UCMA: variants seen among roughly 807,000 people sequenced by gnomAD.
The protein encoded by UCMA is upper zone of growth plate and cartilage matrix-associated protein.
UCMA carries 21 observed loss-of-function variants against 21.8 expected under a neutral mutation model. The observed-to-expected ratio is 0.97, with a 90% CI of 0.68 to 1.39. The LOEUF is 1.39. Ranked by LOEUF, UCMA falls within the 40% of genes most tolerant of loss-of-function variation. The pLI is 0.00. For synonymous variants in UCMA, 76 were observed against 67.9 expected (o/e 1.12, Z -0.58); for missense variants, 193 against 178.9 (o/e 1.08, Z -0.45).
chr10:13,221,790 A>T lies in UCMA; in HGVS notation c.*313T>A. The stretch of plus-strand genomic sequence containing the variant: ...GGTTGATTCAGCGTTTTTATTTGTA[A>T]GCCATAAGCAAACATGTGATTCTTG... On this transcript the variant is annotated 3_prime_UTR_variant, in exon 5 of 5. Transcript: ENST00000378681. 3.2e-6 allele frequency: 1 copy of T among 308,180 alleles called. No homozygotes were observed. The highest frequency in any genetic ancestry group is 6.0e-6 in the Non-Finnish European group (1 of 166,080). 19.1% of individuals were successfully genotyped at this position (308,180 alleles called of 1,614,324 possible). A position where few individuals can be genotyped will look rare whatever the true frequency, so the allele number is the denominator to read the frequency against.
intron 4 of UCMA, among the ~76,000 whole-genome samples, chr10:13,229,388 C>T (rs1834867747): frequency 6.6e-6 from 1 of 151,932 alleles, no homozygotes; most frequent in Non-Finnish European, 1.5e-5. Flanking sequence ...CATCTGTAAT[C>T]CCAGCTACTC....
At position 13,222,006 on chromosome 10, in the gene UCMA, C is replaced by A; in HGVS notation, c.*97G>T. 1.5e-6 allele frequency: 2 copies of A among 1,299,338 alleles called. No homozygotes were observed. The highest frequency in any genetic ancestry group is 2.2e-6 in the Non-Finnish European group (2 of 908,776). The allele number at this position is 1,299,338 out of a possible 1,614,324, so 80.5% of individuals were successfully genotyped here. ...GGCCACTGCAGACCCCAAGCTGAGACCCTCTGAAGGGCCGGTTTGCATGGG... is the reference window on the plus strand; with the variant it reads ...GGCCACTGCAGACCCCAAGCTGAGAACCTCTGAAGGGCCGGTTTGCATGGG... On this transcript the variant is annotated 3_prime_UTR_variant, in exon 5 of 5. Transcript: ENST00000378681.
At chr10:13,226,493 T>C (rs1054045726) in intron 4 of UCMA, among the ~76,000 whole-genome samples, 2 of 152,012 alleles carry the variant, frequency 1.3e-5, no homozygotes, top group South Asian at 2.1e-4. Context: ...AATTGAAAAA[T>C]TTTTTTTCTT....
At chr10:13,233,507 A>G (rs764246837) in intron 3 of UCMA, 31 bp downstream of exon 3, 1 of 1,584,942 alleles carries the variant, frequency 6.3e-7, no homozygotes, top group South Asian at 1.1e-5. Context: ...GTGGTGATGG[A>G]CGCGGGATGG....
At chr10:13,224,768 CGGCCCAGCT>C in intron 4 of UCMA, among the ~76,000 whole-genome samples, 1 of 152,318 alleles carries the variant, frequency 6.6e-6, no homozygotes, top group South Asian at 2.1e-4. Flanking sequence ...AGTCTCACCT[CGGCCCAGCT>C]GGGTGCAGGG....
rs1588492811 is a variant in UCMA, at chr10:13,234,373, A to G, written c.-115T>C. On this transcript the variant is annotated 5_prime_UTR_variant, in exon 1 of 5. Coordinates refer to ENST00000378681, the MANE Select transcript of UCMA (RefSeq NM_145314.3). ...CAGGCGAGAGGAAGGAAGGCGGGGG[A>G]GGGAAGAGAGAGGCAGGAGGCTGGG... is the stretch of plus-strand genomic sequence containing the variant. 1 of 1,041,888 alleles carries G rather than the reference A, an allele frequency of 9.6e-7. No individual in the cohort carries two copies. The allele number at this position is 1,041,888 out of a possible 1,614,324, so 64.5% of individuals were successfully genotyped here. A position where few individuals can be genotyped will look rare whatever the true frequency, so the allele number is the denominator to read the frequency against.
Position 13,226,292 on chromosome 10 carries a change from A to G in UCMA, c.319+3319T>C, listed in dbSNP as rs145841944. 6.2e-3 allele frequency among the ~76,000 whole-genome samples: 933 copies of G among 151,000 alleles called. 13 individuals are homozygous for G. Among genetic ancestry groups the G allele is most frequent in the African/African-American group, 0.021 (874 of 40,994 alleles). On this transcript the variant is annotated intron_variant, in intron 4 of 4. Coordinates refer to ENST00000378681, the MANE Select transcript of UCMA (RefSeq NM_145314.3). ...TCACTCTAGCCTTGAACTCCCCAGGATCAAGTGATCCTCTGTTAACCACCC... is the reference window on the plus strand; with the variant it reads ...TCACTCTAGCCTTGAACTCCCCAGGGTCAAGTGATCCTCTGTTAACCACCC...
intron 4 of UCMA, among the ~76,000 whole-genome samples, chr10:13,226,289 AG>A (rs1216623044): frequency 6.7e-6 from 1 of 149,554 alleles, no homozygotes. Context: ...TGAACTCCCC[AG>A]GATCAAGTGA....
rs1408633725 is a variant in UCMA at position 13,222,151 on chromosome 10, G to T, written c.369C>A (p.His123Gln). The T allele has an allele frequency of 6.2e-7, 1 of 1,614,188 alleles. No individual in the cohort carries two copies. Among genetic ancestry groups the T allele is most frequent in the Non-Finnish European group, 8.5e-7 (1 of 1,180,044 alleles). ...REAVEQWRQW[H>Q]YDGLHPSYLY... ...GATAGGATGGGTGCAGGCCGTCATA[G>T]TGCCACTGGCGCCACTGCTCCACAG... Residue 123 changes from histidine (H) to glutamine (Q), a missense_variant, in exon 5 of 5, where the codon CAC becomes CAA. By Grantham distance (24) the His-to-Gln change is conservative. Transcript: ENST00000378681.
At chr10:13,223,960 A>G (rs1564401407) in intron 4 of UCMA, among the ~76,000 whole-genome samples, 1 of 152,148 alleles carries the variant, frequency 6.6e-6, no homozygotes, top group Non-Finnish European at 1.5e-5. Context: ...GTATGAGGCT[A>G]TGCAAGGGTT....
intron 4 of UCMA, among the ~76,000 whole-genome samples, chr10:13,226,128 A>G (rs983356728): frequency 2.0e-5 from 3 of 151,968 alleles, no homozygotes; most frequent in Admixed American, 1.3e-4. Context: ...TGCTAGGGCT[A>G]TCTACTAGCC....
chr10:13,222,568 G>A (rs1834771654), intron 4 of UCMA, among the ~76,000 whole-genome samples: 2 of 152,150 alleles, frequency 1.3e-5, no homozygotes, highest in Admixed American at 1.3e-4. Context: ...CTACTGGAAG[G>A]ACATGCAAGA....
rs1225734531 is a variant in UCMA, at chr10:13,233,557, C to T, written c.201G>A (p.Lys67=). The T allele has an allele frequency of 6.2e-7, 1 of 1,614,016 alleles. No homozygotes were observed. Among genetic ancestry groups the T allele is most frequent in the Admixed American group, 1.7e-5 (1 of 59,992 alleles). ...FLKRRGKRSP[K]SRDEVNVENR... ...CCTTACCATTGACCTCATCTCTGGACTTGGGGGACCGCTTGCCGCGCCTCT... is the reference window on the plus strand; with the variant it reads ...CCTTACCATTGACCTCATCTCTGGATTTGGGGGACCGCTTGCCGCGCCTCT... The change falls in exon 3 of 5, where the codon AAG becomes AAA. Residue 67 remains lysine, a synonymous_variant. Transcript: ENST00000378681.
chr10:13,225,831 C>T (rs187228244), intron 4 of UCMA, among the ~76,000 whole-genome samples: 23 of 152,082 alleles, frequency 1.5e-4, no homozygotes, highest in East Asian at 5.8e-4. Flanking sequence ...AGCAGAACCC[C>T]GTGCAACATT....
chr10:13,226,999 A>C (rs1301492556), intron 4 of UCMA, among the ~76,000 whole-genome samples: 2 of 152,308 alleles, frequency 1.3e-5, no homozygotes, highest in Middle Eastern at 6.8e-3. Flanking sequence ...TTTGAAGGCC[A>C]CATTCTCAAC....
intron 4 of UCMA, among the ~76,000 whole-genome samples, chr10:13,222,598 C>A (rs910109549): frequency 2.0e-5 from 3 of 152,156 alleles, no homozygotes; most frequent in African/African-American, 7.2e-5. Flanking sequence ...GACTACAAAC[C>A]ATGCCTTGAA....
chr10:13,233,929 G>A (rs1436503136), intron 1 of UCMA, 129 bp from the exon 2 acceptor site: 23 of 1,187,420 alleles, frequency 1.9e-5, no homozygotes, highest in South Asian at 1.1e-4. Context: ...GGTTTCTCAC[G>A]TACCAGCTGC....
chr10:13,221,959 A>G lies in UCMA; in HGVS notation c.*144T>C. 1.4e-6 allele frequency: 1 copy of G among 739,960 alleles called. No individual in the cohort carries two copies. The highest frequency in any genetic ancestry group is 2.3e-6 in the Non-Finnish European group (1 of 438,822). The allele number at this position is 739,960 out of a possible 1,614,324, so 45.8% of individuals were successfully genotyped here. Reference sequence around the variant, plus strand: ...ACTTTCACACACTGGAAGGAAAGGCATGCGTCTTTTCAAGAGCTGCTGGCC... The same window carrying G: ...ACTTTCACACACTGGAAGGAAAGGCGTGCGTCTTTTCAAGAGCTGCTGGCC... On this transcript the variant is annotated 3_prime_UTR_variant, in exon 5 of 5. Transcript: ENST00000378681.
chr10:13,223,363 G>A (rs1370817540), intron 4 of UCMA, among the ~76,000 whole-genome samples: 1 of 152,182 alleles, frequency 6.6e-6, no homozygotes, highest in Non-Finnish European at 1.5e-5. Flanking sequence ...AACAACCCCA[G>A]TGTCCCTCAA....
Sources: gnomAD v4.1 joint callset for allele counts (sites outside exome capture counted in the v4.1 genomes callset) on GRCh38, gnomAD v4.1.1 for gene constraint, MANE v1.5 for transcripts, NCBI Gene and HGNC (gene_info 2026-07-23, HGNC 2026-07-21) for gene names.